The following GLDC variants were observed in gnomAD, a reference collection of about 807,000 sequenced individuals.
The protein encoded by GLDC is glycine decarboxylase.
In GLDC, 104 loss-of-function variants were observed where a neutral mutation model predicts 121.3. The ratio of observed to expected loss-of-function variants is 0.86; its 90% CI spans 0.73 to 1.01. The LOEUF (loss-of-function observed/expected upper bound fraction) is 1.01, where lower values mean the gene tolerates loss of function less well. Among genes scored for constraint, GLDC ranks in the 50% least tolerant of loss-of-function variants. The probability of loss-of-function intolerance (pLI) is 0.00; values close to 1 mark genes in which losing one functional copy is unlikely to be tolerated. For missense variants in GLDC, 1,429 were observed against 1,306.6 expected, an observed-to-expected ratio of 1.09 and a Z score of -1.44; for synonymous variants, 546 against 480.6, an observed-to-expected ratio of 1.14 and a Z score of -1.78.
intron 5 of GLDC, chr9:6,605,482 C>T: frequency 1.6e-6 from 1 of 627,944 alleles, no homozygotes; most frequent in Non-Finnish European, 2.9e-6. Context: ...TGCTTCTGTT[C>T]CTCTCTTCTA....
intron 21 of GLDC, among the ~76,000 whole-genome samples, chr9:6,549,347 C>T (rs184870114): frequency 3.7e-5 from 3 of 81,852 alleles, no homozygotes; most frequent in East Asian, 2.9e-4. Flanking sequence ...GCAGCTGCTC[C>T]GGGGTGGGGT....
chr9:6,574,704 G>A (rs1018436458), intron 15 of GLDC, among the ~76,000 whole-genome samples: 1 of 152,136 alleles, frequency 6.6e-6, no homozygotes, highest in African/African-American at 2.4e-5. Flanking sequence ...CCCTCACCCT[G>A]CTTTTTTCCT....
At chr9:6,614,514 C>T (rs1290152014) in intron 3 of GLDC, among the ~76,000 whole-genome samples, 1 of 151,450 alleles carries the variant, frequency 6.6e-6, no homozygotes, top group Non-Finnish European at 1.5e-5. Context: ...GGAATACAGG[C>T]GTGAGCCACC....
chr9:6,556,371 C>T, intron 17 of GLDC, 69 bp from the exon 18 acceptor site: 1 of 1,294,186 alleles, frequency 7.7e-7, no homozygotes, highest in East Asian at 2.3e-5. Context: ...AAATCCTCGC[C>T]TTTCATTTTA....
At chr9:6,550,774 A>G in intron 21 of GLDC, 29 bp downstream of exon 21, 1 of 1,465,366 alleles carries the variant, frequency 6.8e-7, no homozygotes, top group South Asian at 1.1e-5. Context: ...AAAAAACCAA[A>G]GTAATGATAG....
chr9:6,557,466 C>A (rs534287842), intron 17 of GLDC, among the ~76,000 whole-genome samples: 1 of 152,132 alleles, frequency 6.6e-6, no homozygotes, highest in Non-Finnish European at 1.5e-5. Context: ...TGGTGGCACA[C>A]GCCTGTAGTC....
intron 21 of GLDC, among the ~76,000 whole-genome samples, chr9:6,549,588 T>C (rs1272159434): frequency 6.6e-6 from 1 of 152,140 alleles, no homozygotes; most frequent in East Asian, 1.9e-4. Context: ...TTCAATATTC[T>C]TTCCTGGGGC....
intron 2 of GLDC, among the ~76,000 whole-genome samples, chr9:6,630,830 C>T (rs1819360476): frequency 6.6e-6 from 1 of 152,166 alleles, no homozygotes; most frequent in Non-Finnish European, 1.5e-5. Flanking sequence ...TCCCCAACAT[C>T]ACCCAGTCAT....
intron 5 of GLDC, 47 bp downstream of exon 5, chr9:6,606,545 T>C (rs142190897): frequency 0.015 from 15,408 of 1,052,634 alleles, 158 homozygotes; most frequent in Non-Finnish European, 0.018. Context: ...ACAGCAGAGA[T>C]GAACATGACA....
Position 6,535,100 on chromosome 9 carries a change from C to G in GLDC, c.2839-312G>C, listed in dbSNP as rs182335613. 5.9e-3 allele frequency among the ~76,000 whole-genome samples: 892 copies of G among 152,284 alleles called. 9 individuals are homozygous for G. Among genetic ancestry groups the G allele is most frequent in the Non-Finnish European group, 7.8e-3 (531 of 68,024 alleles). On this transcript the variant is annotated intron_variant, in intron 23 of 24. Transcript: ENST00000321612. Reference sequence around the variant, plus strand: ...TATCCCCATCCCAGTGCTAACCACTCTTCTGAATTCGGTGTTTACCATTCT... The same window carrying G: ...TATCCCCATCCCAGTGCTAACCACTGTTCTGAATTCGGTGTTTACCATTCT...
At chr9:6,628,474 G>A (rs1229309891) in intron 2 of GLDC, among the ~76,000 whole-genome samples, 8 of 152,186 alleles carry the variant, frequency 5.3e-5, no homozygotes, top group African/African-American at 9.7e-5. Flanking sequence ...GAGACCAAAT[G>A]AGAAAAGGGG....
intron 3 of GLDC, among the ~76,000 whole-genome samples, chr9:6,616,393 A>C (rs1293053159): frequency 6.6e-6 from 1 of 152,192 alleles, no homozygotes; most frequent in Non-Finnish European, 1.5e-5. Context: ...TTGTCTTGCA[A>C]ATATGCCAAA....
intron 8 of GLDC, among the ~76,000 whole-genome samples, chr9:6,598,403 A>T (rs149228002): frequency 2.4e-3 from 365 of 152,324 alleles, no homozygotes; most frequent in Non-Finnish European, 4.3e-3. Flanking sequence ...AGAAAAATTT[A>T]TTTAAAAAAG....
chr9:6,642,106 G>C (rs772632622), intron 2 of GLDC, among the ~76,000 whole-genome samples: 5 of 152,170 alleles, frequency 3.3e-5, no homozygotes, highest in African/African-American at 4.8e-5. Context: ...ACTATTCCAA[G>C]AAACAAGCTT....
intron 3 of GLDC, among the ~76,000 whole-genome samples, chr9:6,613,691 T>C (rs547785556): frequency 6.6e-6 from 1 of 152,338 alleles, no homozygotes; most frequent in Admixed American, 6.5e-5. Context: ...ATATTAGAAA[T>C]AGCATAATAG....
Position 6,572,359 on chromosome 9 carries a change from G to A in GLDC, c.1851-6930C>T, listed in dbSNP as rs146598182. ...CTGTCAATGTGCTTAAAAGTACGAA[G>A]GAGGGTTACATTAGGATGTTGAAAA... is the stretch of plus-strand genomic sequence containing the variant. On this transcript the variant is annotated intron_variant, in intron 15 of 24. Coordinates refer to ENST00000321612, the MANE Select transcript of GLDC (RefSeq NM_000170.3). Among the ~76,000 whole-genome samples the A allele has an allele frequency of 3.0e-3, 462 of 152,300 alleles. 2 individuals are homozygous for A. The highest frequency in any genetic ancestry group is 5.1e-3 in the Non-Finnish European group (346 of 68,028).
chr9:6,545,240 C>A (rs188759577), intron 21 of GLDC, among the ~76,000 whole-genome samples: 2 of 152,214 alleles, frequency 1.3e-5, no homozygotes, highest in East Asian at 1.9e-4. Context: ...TGTCATTGTG[C>A]AAACAGCATG....
chr9:6,637,384 G>T (rs1032353350), intron 2 of GLDC, among the ~76,000 whole-genome samples: 1 of 150,260 alleles, frequency 6.7e-6, no homozygotes, highest in Non-Finnish European at 1.5e-5. Flanking sequence ...AAACCTGGGG[G>T]ATAAGAGCGA....
At chr9:6,547,898 G>T (rs373023229) in intron 21 of GLDC, among the ~76,000 whole-genome samples, 3 of 152,166 alleles carry the variant, frequency 2.0e-5, no homozygotes, top group African/African-American at 4.8e-5. Flanking sequence ...GGGAGGCCGA[G>T]GTGGGAGGAT....
Sources: gnomAD v4.1 joint callset for allele counts (sites outside exome capture counted in the v4.1 genomes callset) on GRCh38, gnomAD v4.1.1 for gene constraint, MANE v1.5 for transcripts, NCBI Gene and HGNC (gene_info 2026-07-23, HGNC 2026-07-21) for gene names.